RNF13: variants seen among roughly 807,000 people sequenced by gnomAD.
RNF13 encodes the protein ring finger protein 13.
Under a neutral mutation model 37.7 loss-of-function variants are expected in RNF13, and 19 were observed. That is an observed-to-expected ratio of 0.50 (90% CI 0.35 to 0.74). The LOEUF is 0.74. RNF13 is among the 30% of genes least tolerant of loss of function. The pLI is 0.01. For missense variants in RNF13, 375 were observed against 453.0 expected, an observed-to-expected ratio of 0.83 and a Z score of 1.56; for synonymous variants, 144 against 157.8, an observed-to-expected ratio of 0.91 and a Z score of 0.65.
intron 4 of RNF13, among the ~76,000 whole-genome samples, chr3:149,893,452 A>G (rs1714927243): frequency 6.6e-6 from 1 of 152,240 alleles, no homozygotes; most frequent in Non-Finnish European, 1.5e-5. Flanking sequence ...TGTGGAAAGA[A>G]ACATTTCTCC....
rs546490763 is a variant in RNF13 at position 149,876,303 on chromosome 3, A to G, written c.321+4149A>G. On this transcript the variant is annotated intron_variant, in intron 4 of 9. Coordinates refer to ENST00000392894, the MANE Select transcript of RNF13 (RefSeq NM_183381.3). ...ATGTGTGAATGAGTATTTTTGAAAAATGCAGCTGCAAAGCCATCTAGGCCA... is the reference window on the plus strand; with the variant it reads ...ATGTGTGAATGAGTATTTTTGAAAAGTGCAGCTGCAAAGCCATCTAGGCCA... Among the ~76,000 whole-genome samples, 15 of 152,310 alleles carry G rather than the reference A, an allele frequency of 9.8e-5. No individual in the cohort carries two copies. In the East Asian group the frequency reaches 2.9e-3, roughly 29 times the overall value.
chr3:149,928,519 T>G (rs1718870540), intron 8 of RNF13, among the ~76,000 whole-genome samples: 1 of 152,140 alleles, frequency 6.6e-6, no homozygotes, highest in African/African-American at 2.4e-5. Context: ...GTACATTCCT[T>G]TGGTCTATAT....
chr3:149,947,307 C>G (rs1720860173), intron 8 of RNF13, among the ~76,000 whole-genome samples: 1 of 151,454 alleles, frequency 6.6e-6, no homozygotes, highest in African/African-American at 2.4e-5. Context: ...TCATCTGTGT[C>G]TTCTGTTTGA....
chr3:149,895,745 A>C (rs1715186785), intron 5 of RNF13, among the ~76,000 whole-genome samples, 185 bp downstream of exon 5: 1 of 152,076 alleles, frequency 6.6e-6, no homozygotes, highest in South Asian at 2.1e-4. Flanking sequence ...TTCTTTTCTG[A>C]ACAGTTTTTT....
At chr3:149,885,828 T>C (rs1358388416) in intron 4 of RNF13, among the ~76,000 whole-genome samples, 1 of 152,200 alleles carries the variant, frequency 6.6e-6, no homozygotes, top group African/African-American at 2.4e-5. Flanking sequence ...CTGGAGATTT[T>C]CCCCAATGTT....
intron 1 of RNF13, among the ~76,000 whole-genome samples, chr3:149,833,891 A>C (rs1012607832): frequency 1.3e-5 from 2 of 152,210 alleles, no homozygotes; most frequent in African/African-American, 4.8e-5. Flanking sequence ...AAAATATCTG[A>C]TAGAACTATT....
chr3:149,911,038 T>C (rs968966684), intron 6 of RNF13, among the ~76,000 whole-genome samples: 2 of 152,172 alleles, frequency 1.3e-5, no homozygotes, highest in African/African-American at 4.8e-5. Flanking sequence ...ATTTCTGTAG[T>C]TTTTTTCAGT....
chr3:149,829,829 C>A (rs1215341558), intron 1 of RNF13, among the ~76,000 whole-genome samples: 1 of 151,718 alleles, frequency 6.6e-6, no homozygotes, highest in Admixed American at 6.6e-5. Context: ...CTCCTATAAA[C>A]CCCATGTGTT....
intron 7 of RNF13, among the ~76,000 whole-genome samples, chr3:149,918,231 A>T (rs1223340606): frequency 3.3e-5 from 5 of 152,124 alleles, no homozygotes; most frequent in Non-Finnish European, 7.4e-5. Flanking sequence ...TCTATTTTAT[A>T]CTTACAGCAC....
intron 6 of RNF13, among the ~76,000 whole-genome samples, chr3:149,906,669 T>TTTTTTTTTG (rs1553765147): frequency 7.2e-6 from 1 of 137,934 alleles, no homozygotes; most frequent in Non-Finnish European, 1.6e-5. Context: ...TTTTTTTTTT[T>TTTTTTTTTG]AATTTAGAAA....
chr3:149,915,603 A>G (rs1051359049), intron 7 of RNF13, among the ~76,000 whole-genome samples: 6 of 152,240 alleles, frequency 3.9e-5, no homozygotes, highest in Non-Finnish European at 8.8e-5. Flanking sequence ...ACCCAAGTGT[A>G]CATTGATGGA....
chr3:149,842,166 A>G (rs1722244182), intron 1 of RNF13, among the ~76,000 whole-genome samples: 1 of 152,032 alleles, frequency 6.6e-6, no homozygotes, highest in South Asian at 2.1e-4. Context: ...CATTAAGAGC[A>G]CTTCAATTAT....
chr3:149,952,748 C>T (rs1460529056), intron 8 of RNF13, among the ~76,000 whole-genome samples: 3 of 151,920 alleles, frequency 2.0e-5, no homozygotes, highest in African/African-American at 4.8e-5. Flanking sequence ...TACAGGCATG[C>T]GTTACAACGC....
chr3:149,959,866 T>G, intron 8 of RNF13, 190 bp from the exon 9 acceptor site: 1 of 430,418 alleles, frequency 2.3e-6, no homozygotes, highest in Non-Finnish European at 4.1e-6. Flanking sequence ...CATCAATTTT[T>G]AACTAGTTTA....
At chr3:149,850,024 A>G (rs574783995) in intron 2 of RNF13, among the ~76,000 whole-genome samples, 4 of 151,526 alleles carry the variant, frequency 2.6e-5, no homozygotes, top group Admixed American at 6.6e-5. Context: ...GTGTTGCCCA[A>G]GCTGTTGTGC....
At chr3:149,950,789 A>C (rs1721251385) in intron 8 of RNF13, among the ~76,000 whole-genome samples, 1 of 152,048 alleles carries the variant, frequency 6.6e-6, no homozygotes, top group Admixed American at 6.6e-5. Context: ...CTCAGTCTTT[A>C]AGTGAGCCTG....
chr3:149,869,463 G>C (rs367707218), intron 3 of RNF13, among the ~76,000 whole-genome samples: 1 of 151,610 alleles, frequency 6.6e-6, no homozygotes, highest in African/African-American at 2.4e-5. Context: ...AAAATTAGCC[G>C]GGCGTAGTGG....
At chr3:149,860,797 G>A (rs879354280) in intron 3 of RNF13, among the ~76,000 whole-genome samples, 2 of 152,136 alleles carry the variant, frequency 1.3e-5, no homozygotes, top group Non-Finnish European at 2.9e-5. Flanking sequence ...CTTTTGCACA[G>A]CAAAGGAGTC....
chr3:149,938,103 G>A (rs1249520287), intron 8 of RNF13, among the ~76,000 whole-genome samples: 1 of 151,348 alleles, frequency 6.6e-6, no homozygotes, highest in East Asian at 1.9e-4. Flanking sequence ...ATATATTTTG[G>A]CACTCTGTTA....
Sources: gnomAD v4.1 joint callset for allele counts (sites outside exome capture counted in the v4.1 genomes callset) on GRCh38, gnomAD v4.1.1 for gene constraint, MANE v1.5 for transcripts, NCBI Gene and HGNC (gene_info 2026-07-23, HGNC 2026-07-21) for gene names.